TCF7L1: variants seen among roughly 807,000 people sequenced by gnomAD.
The protein encoded by TCF7L1 is transcription factor 7-like 1.
A neutral mutation model predicts 63.7 loss-of-function variants in TCF7L1; 18 were observed. That is an observed-to-expected ratio of 0.28 (90% CI 0.20 to 0.42). The LOEUF is 0.42. Among genes scored for constraint, TCF7L1 ranks in the 10% least tolerant of loss-of-function variants. The probability of loss-of-function intolerance (pLI) is 1.00; values close to 1 mark genes in which losing one functional copy is unlikely to be tolerated. For missense variants in TCF7L1, 654 were observed against 779.3 expected, an observed-to-expected ratio of 0.84 and a Z score of 1.91; for synonymous variants, 355 against 340.9, an observed-to-expected ratio of 1.04 and a Z score of -0.46.
chr2:85,185,248 A>G (rs1198547989), intron 3 of TCF7L1, among the ~76,000 whole-genome samples: 1 of 151,992 alleles, frequency 6.6e-6, no homozygotes, highest in Non-Finnish European at 1.5e-5. Context: ...GAACTCATGA[A>G]TCTGCATCAC....
intron 3 of TCF7L1, among the ~76,000 whole-genome samples, chr2:85,143,063 GT>G (rs1386911400): frequency 6.6e-6 from 1 of 152,208 alleles, no homozygotes; most frequent in South Asian, 2.1e-4. Flanking sequence ...TTTTTCAGGA[GT>G]TTTTGTGGAT....
intron 3 of TCF7L1, among the ~76,000 whole-genome samples, chr2:85,217,850 G>A (rs1679745112): frequency 6.6e-6 from 1 of 152,224 alleles, no homozygotes; most frequent in African/African-American, 2.4e-5. Context: ...TGAGTGTCAT[G>A]TTGGCACTCA....
intron 3 of TCF7L1, among the ~76,000 whole-genome samples, chr2:85,251,471 G>A (rs1680585531): frequency 6.6e-6 from 1 of 152,154 alleles, no homozygotes; most frequent in Non-Finnish European, 1.5e-5. Flanking sequence ...TTTTCTAGCA[G>A]CTGTGATCAG....
At chr2:85,218,641 G>GGGA (rs1553400272) in intron 3 of TCF7L1, among the ~76,000 whole-genome samples, 1 of 140,014 alleles carries the variant, frequency 7.1e-6, no homozygotes, top group African/African-American at 2.5e-5. Context: ...TATTCCAATG[G>GGGA]GGGGGGGAAA....
chr2:85,192,667 G>A (rs1230304971), intron 3 of TCF7L1, among the ~76,000 whole-genome samples: 1 of 151,436 alleles, frequency 6.6e-6, no homozygotes, highest in Admixed American at 6.6e-5. Flanking sequence ...ACACGTGTGA[G>A]CCGTGGCACC....
rs181842739 is a variant in TCF7L1 at position 85,261,114 on chromosome 2, A to G, written c.442-22381A>G. Among the ~76,000 whole-genome samples, 90 of 134,862 alleles carry G rather than the reference A, an allele frequency of 6.7e-4. 1 individual carries two copies. The highest frequency in any genetic ancestry group is 3.0e-4 in the Non-Finnish European group (19 of 63,408). 88.5% of individuals were successfully genotyped at this position (134,862 alleles called of 152,430 possible). On this transcript the variant is annotated intron_variant, in intron 3 of 11. Coordinates refer to ENST00000282111, the MANE Select transcript of TCF7L1 (RefSeq NM_031283.3). ...TTATTTGTTTTCAATTACTTCCTCAATTATTGCTGGTGTGTGTGTGTGTGT... is the reference window on the plus strand; with the variant it reads ...TTATTTGTTTTCAATTACTTCCTCAGTTATTGCTGGTGTGTGTGTGTGTGT...
chr2:85,178,719 C>T (rs1042822951), intron 3 of TCF7L1, among the ~76,000 whole-genome samples: 2 of 152,208 alleles, frequency 1.3e-5, no homozygotes, highest in Non-Finnish European at 2.9e-5. Flanking sequence ...GAAGTTGGTG[C>T]AGCCTCACTG....
At chr2:85,156,449 G>A (rs568672550) in intron 3 of TCF7L1, among the ~76,000 whole-genome samples, 4 of 152,290 alleles carry the variant, frequency 2.6e-5, no homozygotes, top group Admixed American at 6.5e-5. Flanking sequence ...CCCTGTGTTC[G>A]TCTCCCCCAG....
chr2:85,142,471 G>A (rs903179744), intron 3 of TCF7L1, among the ~76,000 whole-genome samples: 14 of 141,808 alleles, frequency 9.9e-5, no homozygotes, highest in Non-Finnish European at 1.5e-4. Flanking sequence ...TGTGTTGTGT[G>A]TATATATATA....
chr2:85,288,464 A>C (rs1681612528), intron 4 of TCF7L1, among the ~76,000 whole-genome samples: 1 of 152,178 alleles, frequency 6.6e-6, no homozygotes, highest in African/African-American at 2.4e-5. Flanking sequence ...TTTCGGAGGG[A>C]GTCACAGAGG....
chr2:85,256,692 A>G (rs1462928820), intron 3 of TCF7L1, among the ~76,000 whole-genome samples: 1 of 152,170 alleles, frequency 6.6e-6, no homozygotes, highest in African/African-American at 2.4e-5. Context: ...TGGTGGTTAC[A>G]TTGATATTTA....
chr2:85,287,626 G>A (rs777479897), intron 4 of TCF7L1, among the ~76,000 whole-genome samples: 6 of 152,136 alleles, frequency 3.9e-5, no homozygotes, highest in East Asian at 1.9e-4. Flanking sequence ...TTATATTACC[G>A]TAGTCTATAT....
intron 3 of TCF7L1, among the ~76,000 whole-genome samples, chr2:85,195,066 T>C (rs1318300880): frequency 6.6e-6 from 1 of 152,248 alleles, no homozygotes; most frequent in African/African-American, 2.4e-5. Context: ...TATGGCGTAG[T>C]GGCTGGGACT....
chr2:85,308,443 T>TCCTTTCCCCCTCCCTCCC (rs1682184546), intron 11 of TCF7L1, among the ~76,000 whole-genome samples: 1 of 31,538 alleles, frequency 3.2e-5, no homozygotes, highest in African/African-American at 1.0e-4. Context: ...CTCCCTCCCT[T>TCCTTTCCCCCTCCCTCCC]TCTCTTTCCC....
Position 85,178,741 on chromosome 2 carries a change from C to G in TCF7L1, c.441+44291C>G, listed in dbSNP as rs186692778. On this transcript the variant is annotated intron_variant, in intron 3 of 11. Coordinates refer to ENST00000282111, the MANE Select transcript of TCF7L1 (RefSeq NM_031283.3). The stretch of plus-strand genomic sequence containing the variant: ...GTGCAGCCTCACTGAAGCCCTGGCT[C>G]AGCCATGGTTGCCACCCATCCTGTC... 2.9e-4 allele frequency among the ~76,000 whole-genome samples: 44 copies of G among 152,328 alleles called. No individual in the cohort carries two copies. The East Asian group carries it at 7.9e-3, about 27-fold the overall frequency.
Position 85,187,462 on chromosome 2 carries a change from A to G in TCF7L1, c.441+53012A>G, listed in dbSNP as rs1447185384. On this transcript the variant is annotated intron_variant, in intron 3 of 11. Coordinates refer to ENST00000282111, the MANE Select transcript of TCF7L1 (RefSeq NM_031283.3). ...AAAGTTGTATAGTTTTGTGTTTTAC[A>G]TTGAAGTCTTAAGTCTTACATTTAA... is the stretch of plus-strand genomic sequence containing the variant. Among the ~76,000 whole-genome samples, 3 of 152,344 alleles carry G rather than the reference A, an allele frequency of 2.0e-5. No individual in the cohort carries two copies. In the East Asian group the frequency reaches 5.8e-4, roughly 29 times the overall value.
At chr2:85,148,217 G>A (rs1191398345) in intron 3 of TCF7L1, among the ~76,000 whole-genome samples, 2 of 152,176 alleles carry the variant, frequency 1.3e-5, no homozygotes, top group Non-Finnish European at 2.9e-5. Context: ...GCAGGAAGGG[G>A]CTGGGATGGG....
chr2:85,235,040 C>T (rs1374053992), intron 3 of TCF7L1, among the ~76,000 whole-genome samples: 1 of 152,148 alleles, frequency 6.6e-6, no homozygotes, highest in African/African-American at 2.4e-5. Context: ...CTCCTGGGCT[C>T]CCAGTAATAG....
intron 3 of TCF7L1, among the ~76,000 whole-genome samples, chr2:85,231,452 C>T (rs1261444001): frequency 1.3e-5 from 2 of 152,222 alleles, no homozygotes. Flanking sequence ...CTAGAGCAAA[C>T]TGAATTCCTC....
Sources: allele counts gnomAD v4.1 joint callset (sites outside exome capture counted in the v4.1 genomes callset), GRCh38; gene constraint gnomAD v4.1.1; transcripts MANE v1.5; gene names NCBI Gene and HGNC (gene_info 2026-07-23, HGNC 2026-07-21).